LRP1B: variants seen among roughly 807,000 people sequenced by gnomAD.
LRP1B encodes the protein low-density lipoprotein receptor-related protein 1B.
Under a neutral mutation model 556.6 loss-of-function variants are expected in LRP1B, and 217 were observed. That is an observed-to-expected ratio of 0.39 (90% confidence interval 0.35 to 0.44). The LOEUF (loss-of-function observed/expected upper bound fraction) is 0.44. Among genes scored for constraint, LRP1B ranks in the 20% least tolerant of loss-of-function variants. LRP1B has a pLI of 1.00. For missense variants in LRP1B, 5,053 were observed against 5,620.8 expected (o/e 0.90, Z 3.23); for synonymous variants, 2,047 against 1,865.8 (o/e 1.10, Z -2.50).
intron 7 of LRP1B, among the ~76,000 whole-genome samples, chr2:141,130,750 A>G (rs1314759339): frequency 6.6e-6 from 1 of 152,198 alleles, no homozygotes; most frequent in Non-Finnish European, 1.5e-5. Context: ...ACCTTTTTAC[A>G]ATAGCAAAGA....
chr2:140,498,883 T>C lies in LRP1B; in HGVS notation c.8850+2804A>G, dbSNP rs550949029. Among the ~76,000 whole-genome samples the C allele has an allele frequency of 2.6e-5, 4 of 152,048 alleles. No homozygotes were observed. In the South Asian group the frequency reaches 6.2e-4, roughly 24 times the overall value. On this transcript the variant is annotated intron_variant, in intron 55 of 90. Transcript: ENST00000389484. Reference sequence around the variant, plus strand: ...TGCTTAAATCTTTTATTTATGATTCTGGTCTCATCCTGAATGTTTGTACAA... The same window carrying C: ...TGCTTAAATCTTTTATTTATGATTCCGGTCTCATCCTGAATGTTTGTACAA...
chr2:141,152,759 C>T (rs1483668618), intron 7 of LRP1B, among the ~76,000 whole-genome samples: 3 of 151,638 alleles, frequency 2.0e-5, no homozygotes, highest in African/African-American at 7.3e-5. Flanking sequence ...TTTATTATCA[C>T]ATTATCTTTA....
At chr2:140,247,306 T>A in intron 86 of LRP1B, 144 bp from the exon 87 acceptor site, 1 of 622,794 alleles carries the variant, frequency 1.6e-6, no homozygotes, top group South Asian at 1.8e-5. Context: ...TTTCTGATGA[T>A]CTCTTGCATA....
chr2:141,541,848 T>C (rs1270134097), intron 2 of LRP1B, among the ~76,000 whole-genome samples: 1 of 152,074 alleles, frequency 6.6e-6, no homozygotes, highest in Non-Finnish European at 1.5e-5. Flanking sequence ...TTTAAAGCAT[T>C]TCAAAGAAGT....
At chr2:141,013,150 T>C (rs1378722459) in intron 14 of LRP1B, among the ~76,000 whole-genome samples, 2 of 151,962 alleles carry the variant, frequency 1.3e-5, no homozygotes, top group African/African-American at 4.8e-5. Flanking sequence ...TTTTAAAAAA[T>C]AACATTTTTC....
chr2:141,184,867 AT>A (rs904145638), intron 7 of LRP1B, among the ~76,000 whole-genome samples: 1 of 150,404 alleles, frequency 6.6e-6, no homozygotes, highest in Non-Finnish European at 1.5e-5. Context: ...GCTACACTTC[AT>A]TTTTTTTCTT....
chr2:141,554,326 A>G (rs1417129716), intron 2 of LRP1B, among the ~76,000 whole-genome samples: 2 of 148,334 alleles, frequency 1.3e-5, no homozygotes, highest in Non-Finnish European at 3.0e-5. Context: ...ATAGACATAG[A>G]TATAGATTAT....
Position 140,495,692 on chromosome 2 carries a change from A to G in LRP1B, c.8907T>C (p.Ile2969=). 1 of 1,613,912 alleles carries G rather than the reference A, an allele frequency of 6.2e-7. No homozygotes were observed. Among genetic ancestry groups the G allele is most frequent in the Non-Finnish European group, 8.5e-7 (1 of 1,179,836 alleles). ...LKDDGKTCVD[I]DECSSGFPCS... ...AGGGAAAGCCTGAAGAGCATTCATC[A>G]ATGTCTACACATGTTTTGCCGTCAT... The change falls in exon 56 of 91, where the codon ATT becomes ATC. Residue 2969 remains isoleucine (I), a synonymous_variant. Transcript: ENST00000389484.
intron 60 of LRP1B, among the ~76,000 whole-genome samples, chr2:140,472,298 G>A (rs1011024365): frequency 6.6e-6 from 1 of 152,066 alleles, no homozygotes; most frequent in African/African-American, 2.4e-5. Context: ...ATAAACTAAT[G>A]AAGATGTAAT....
chr2:140,563,820 A>G (rs1681025658), intron 43 of LRP1B, among the ~76,000 whole-genome samples: 1 of 152,190 alleles, frequency 6.6e-6, no homozygotes, highest in African/African-American at 2.4e-5. Context: ...TAAATGAAGA[A>G]CTACATACTT....
Position 140,610,575 on chromosome 2 carries a change from T to C in LRP1B, c.6800-8936A>G, listed in dbSNP as rs181757407. On this transcript the variant is annotated intron_variant, in intron 41 of 90. Coordinates refer to ENST00000389484, the MANE Select transcript of LRP1B (RefSeq NM_018557.3). ...CCTGGAAAAATTCATTTAGGCTTTC[T>C]GTATTTTTTAAAAATATTTTATTTT... Among the ~76,000 whole-genome samples, 615 of 152,320 alleles carry C rather than the reference T, an allele frequency of 4.0e-3. 2 individuals carry two copies. The highest frequency in any genetic ancestry group is 4.4e-3 in the Non-Finnish European group (296 of 68,024).
intron 41 of LRP1B, 134 bp downstream of exon 41, chr2:140,700,116 T>G (rs1489453482): frequency 2.5e-6 from 2 of 790,270 alleles, no homozygotes; most frequent in South Asian, 1.8e-5. Flanking sequence ...GAGGGTTAGA[T>G]GATATAGTCA....
At chr2:141,537,473 G>A (rs6710020) in intron 2 of LRP1B, among the ~76,000 whole-genome samples, 147,980 of 152,206 alleles carry the variant, frequency 0.97, 72,072 homozygotes, top group East Asian at 1. Flanking sequence ...AGGAAAAATG[G>A]TACTGACTGT....
intron 43 of LRP1B, among the ~76,000 whole-genome samples, chr2:140,572,235 C>T (rs1048308230): frequency 6.6e-6 from 1 of 151,314 alleles, no homozygotes; most frequent in African/African-American, 2.4e-5. Context: ...TATTTGTAAA[C>T]TATTTATTTG....
intron 5 of LRP1B, among the ~76,000 whole-genome samples, chr2:141,230,672 A>G (rs1316490245): frequency 6.6e-6 from 1 of 152,108 alleles, no homozygotes; most frequent in African/African-American, 2.4e-5. Context: ...TGCACTTCTT[A>G]CTGTTCCTTG....
chr2:140,369,119 A>T (rs2105161167), intron 71 of LRP1B, among the ~76,000 whole-genome samples: 1 of 152,054 alleles, frequency 6.6e-6, no homozygotes, highest in Admixed American at 6.6e-5. Flanking sequence ...AATCATAAAG[A>T]GGTGCAGTGG....
intron 18 of LRP1B, among the ~76,000 whole-genome samples, chr2:140,978,198 G>A (rs1204367019): frequency 4.6e-5 from 7 of 152,104 alleles, no homozygotes; most frequent in Admixed American, 2.0e-4. Context: ...CAATTAACTC[G>A]TAAAGGCAAA....
intron 66 of LRP1B, among the ~76,000 whole-genome samples, chr2:140,404,045 A>C (rs191625220): frequency 6.6e-6 from 1 of 152,306 alleles, no homozygotes; most frequent in Non-Finnish European, 1.5e-5. Flanking sequence ...AAGGAAAAAT[A>C]AAATCATTTT....
chr2:141,908,523 T>C (rs1225384966), intron 1 of LRP1B, among the ~76,000 whole-genome samples: 2 of 152,054 alleles, frequency 1.3e-5, no homozygotes, highest in African/African-American at 2.4e-5. Flanking sequence ...GCTGTGCTCA[T>C]AGTAAAACTG....
Sources: allele counts gnomAD v4.1 joint callset (sites outside exome capture counted in the v4.1 genomes callset), GRCh38; gene constraint gnomAD v4.1.1; transcripts MANE v1.5; gene names NCBI Gene and HGNC (gene_info 2026-07-23, HGNC 2026-07-21).